Variants in ZNF565 observed in about 807,000 individuals in gnomAD.
ZNF565 encodes zinc finger protein 565.
ZNF565 carries 27 observed loss-of-function variants against 39.4 expected under a neutral mutation model. The observed-to-expected ratio is 0.69, with a 90% confidence interval of 0.51 to 0.95. ZNF565 has a LOEUF of 0.95. ZNF565 is among the 40% of genes least tolerant of loss of function. The pLI is 0.00. For synonymous variants in ZNF565, 185 were observed against 216.6 expected (o/e 0.85, Z 1.28); for missense variants, 524 against 621.1 (o/e 0.84, Z 1.66).
intron 4 of ZNF565, among the ~76,000 whole-genome samples, chr19:36,185,338 C>T (rs975755107): frequency 6.7e-6 from 1 of 148,406 alleles, no homozygotes; most frequent in Middle Eastern, 3.5e-3. Context: ...CACTTGAATC[C>T]GGGAGGCAGA....
At chr19:36,244,699 A>T (rs1364385723) in intron 1 of ZNF565, among the ~76,000 whole-genome samples, 1 of 151,844 alleles carries the variant, frequency 6.6e-6, no homozygotes, top group Non-Finnish European at 1.5e-5. Flanking sequence ...AAAAATACAA[A>T]AATTAGCCGG....
At chr19:36,229,207 G>A (rs186531195) in intron 1 of ZNF565, among the ~76,000 whole-genome samples, 10 of 152,176 alleles carry the variant, frequency 6.6e-5, no homozygotes, top group Admixed American at 2.0e-4. Flanking sequence ...ATCCTTTCTA[G>A]TGGCTGAATG....
chr19:36,224,762 T>C (rs1197542830), intron 1 of ZNF565, among the ~76,000 whole-genome samples: 1 of 152,222 alleles, frequency 6.6e-6, no homozygotes, highest in African/African-American at 2.4e-5. Flanking sequence ...ATAGGGACAT[T>C]TTTATGACAT....
At chr19:36,222,697 C>G (rs1407819658) in intron 1 of ZNF565, among the ~76,000 whole-genome samples, 1 of 149,662 alleles carries the variant, frequency 6.7e-6, no homozygotes. Flanking sequence ...ATCCTTTTCA[C>G]CATTTTTCTA....
rs1049766048 is a variant in ZNF565, at chr19:36,182,651, G to A, written c.1315C>T (p.Arg439Ter). The A allele has an allele frequency of 3.7e-6, 6 of 1,613,864 alleles. No homozygotes were observed. The African/African-American group carries it at 4.0e-5, about 11-fold the overall frequency. Residue 439 changes from arginine to a stop codon, truncating the protein, a stop_gained, in exon 5 of 5, where the codon CGA (arginine) becomes TGA (stop). Transcript: ENST00000304116. LOFTEE classifies it high-confidence loss of function. ...TAGGGTTTCTCACAAGTGTGAATTC[G>A]CTGATGATGAGTCAGTTGTGAAACA... ...IRVSQLTHHQ[R>*]IHTCEKPYEC... is the part of the protein sequence containing the mutation.
chr19:36,182,397 T>C lies in ZNF565; in HGVS notation c.*69A>G. ...GACATTAATTACACTACATTAAAAA[T>C]TACCTAGTACTGAGCCAGATGTGAA... On this transcript the variant is annotated 3_prime_UTR_variant, in exon 5 of 5. Coordinates refer to ENST00000304116, the MANE Select transcript of ZNF565 (RefSeq NM_152477.5). The C allele has an allele frequency of 5.9e-6, 8 of 1,356,112 alleles. No individual in the cohort carries two copies. Among genetic ancestry groups the C allele is most frequent in the Non-Finnish European group, 7.9e-6 (8 of 1,016,258 alleles). 84.0% of individuals were successfully genotyped at this position (1,356,112 alleles called of 1,614,324 possible). A position where few individuals can be genotyped will look rare whatever the true frequency, so the allele number is the denominator to read the frequency against.
chr19:36,209,898 T>C (rs1976289024), intron 1 of ZNF565, among the ~76,000 whole-genome samples: 1 of 151,752 alleles, frequency 6.6e-6, no homozygotes, highest in South Asian at 2.1e-4. Flanking sequence ...ATACATATAA[T>C]GGTTAATAAA....
chr19:36,222,638 T>A (rs1250425005), intron 1 of ZNF565, among the ~76,000 whole-genome samples: 1 of 152,238 alleles, frequency 6.6e-6, no homozygotes, highest in East Asian at 1.9e-4. Context: ...GAATTTTTTT[T>A]TATATGTTTA....
intron 4 of ZNF565, among the ~76,000 whole-genome samples, chr19:36,192,083 G>T (rs1054482347): frequency 6.6e-6 from 1 of 151,340 alleles, no homozygotes; most frequent in Non-Finnish European, 1.5e-5. Flanking sequence ...CCGCCTCCCG[G>T]GTTCAAGCGA....
intron 1 of ZNF565, among the ~76,000 whole-genome samples, chr19:36,240,382 C>G (rs937843403): frequency 2.0e-5 from 3 of 152,102 alleles, no homozygotes; most frequent in African/African-American, 7.2e-5. Flanking sequence ...GATTGCACCA[C>G]TATATTGCAG....
chr19:36,194,769 A>G (rs752934714), intron 3 of ZNF565: 31 of 574,952 alleles, frequency 5.4e-5, no homozygotes, highest in Middle Eastern at 4.8e-4. Flanking sequence ...GCAGACAGAA[A>G]GCATCAGCTG....
At chr19:36,221,228 T>G (rs899605754) in intron 1 of ZNF565, among the ~76,000 whole-genome samples, 5 of 152,076 alleles carry the variant, frequency 3.3e-5, no homozygotes, top group African/African-American at 9.7e-5. Context: ...TGAGGAATTA[T>G]GTTACTAAAT....
chr19:36,188,540 C>T (rs1004427753), intron 4 of ZNF565, among the ~76,000 whole-genome samples: 35 of 151,476 alleles, frequency 2.3e-4, no homozygotes, highest in African/African-American at 7.8e-4. Flanking sequence ...GGCGAAACCC[C>T]GTCTCTACTA....
At chr19:36,233,309 G>A (rs1180337197) in intron 1 of ZNF565, among the ~76,000 whole-genome samples, 1 of 152,144 alleles carries the variant, frequency 6.6e-6, no homozygotes, top group Non-Finnish European at 1.5e-5. Flanking sequence ...GAAGCCAGGA[G>A]GCCGAGGTTG....
At chr19:36,239,582 A>G (rs1977762419) in intron 1 of ZNF565, among the ~76,000 whole-genome samples, 1 of 152,140 alleles carries the variant, frequency 6.6e-6, no homozygotes, top group South Asian at 2.1e-4. Flanking sequence ...TGGCCTGTTC[A>G]AGTGCTGCCA....
In ZNF565 at chr19:36,194,285, T is replaced by C; in HGVS notation, c.180A>G (p.Gln60=). Residue 60 remains glutamine (Q), a synonymous_variant, in exon 4 of 5, where the codon CAA becomes CAG. Transcript: ENST00000304116. The part of the protein sequence containing the change: ...SKPDVVSLLE[Q]GKEPWMIAND... ...TTGCAATCATCCAGGGCTCTTTCCC[T>C]TGCTCCAATAAGGAGACGACATCAG... 1 of 1,613,038 alleles carries C rather than the reference T, an allele frequency of 6.2e-7. No homozygotes were observed. The highest frequency in any genetic ancestry group is 8.5e-7 in the Non-Finnish European group (1 of 1,179,584).
chr19:36,224,291 G>A (rs1431676878), intron 1 of ZNF565, among the ~76,000 whole-genome samples: 1 of 152,176 alleles, frequency 6.6e-6, no homozygotes, highest in African/African-American at 2.4e-5. Flanking sequence ...TGAGACAGGA[G>A]AATCGCTTGA....
chr19:36,221,520 C>T (rs1976837413), intron 1 of ZNF565, among the ~76,000 whole-genome samples: 1 of 152,030 alleles, frequency 6.6e-6, no homozygotes, highest in Admixed American at 6.6e-5. Flanking sequence ...GATCTCCTGA[C>T]CTCGTGATCC....
rs749653983 is a variant in ZNF565, at chr19:36,201,998, T to C, written c.-13A>G. On this transcript the variant is annotated 5_prime_UTR_variant, in exon 2 of 5. In the 5' UTR this introduces an upstream ATG that the reference lacks. Transcript: ENST00000304116. Reference sequence around the variant, plus strand: ...ATACCTGGGCCATGGCTTTTAGAACTATTTGACCTGCTCTGATTTCTCTGG... The same window carrying C: ...ATACCTGGGCCATGGCTTTTAGAACCATTTGACCTGCTCTGATTTCTCTGG... 1.2e-6 allele frequency: 2 copies of C among 1,614,092 alleles called. No individual in the cohort carries two copies. The highest frequency in any genetic ancestry group is 1.7e-6 in the Non-Finnish European group (2 of 1,179,990).
Sources: allele counts gnomAD v4.1 joint callset (sites outside exome capture counted in the v4.1 genomes callset), GRCh38; gene constraint gnomAD v4.1.1; transcripts MANE v1.5; gene names NCBI Gene and HGNC (gene_info 2026-07-23, HGNC 2026-07-21).